The following SV2C variants were observed in gnomAD, a reference collection of about 807,000 sequenced individuals.
SV2C encodes the protein synaptic vesicle glycoprotein 2C.
Under a neutral mutation model 79.7 loss-of-function variants are expected in SV2C, and 49 were observed. That is an observed-to-expected ratio of 0.61 (90% CI 0.49 to 0.78). The LOEUF is 0.78. Ranked by LOEUF, SV2C falls within the 30% of genes least tolerant of loss-of-function variation. The pLI, the probability that SV2C is intolerant of heterozygous loss-of-function variation, is 0.00. For missense variants in SV2C, 833 were observed against 912.9 expected (o/e 0.91, Z 1.13); for synonymous variants, 334 against 333.2 (o/e 1.00, Z -0.03).
chr5:76,321,302 A>AG (rs1479811875), intron 12 of SV2C, among the ~76,000 whole-genome samples: 1 of 148,598 alleles, frequency 6.7e-6, no homozygotes. Flanking sequence ...CTTAGGGGGA[A>AG]AAAAAAAACA....
the SV2C span, among the ~76,000 whole-genome samples, chr5:75,893,339 T>C: frequency 1.3e-5 from 2 of 151,980 alleles, no homozygotes; most frequent in Non-Finnish European, 2.9e-5. Context: ...TGTACCATCA[T>C]GAGGTCTGTA....
At chr5:76,315,790 G>C (rs1006447656) in intron 12 of SV2C, among the ~76,000 whole-genome samples, 1 of 152,144 alleles carries the variant, frequency 6.6e-6, no homozygotes. Context: ...TAAGCAGGAA[G>C]GGAGAAGAAA....
At chr5:76,050,797 A>C in the SV2C span, among the ~76,000 whole-genome samples, 1 of 152,208 alleles carries the variant, frequency 6.6e-6, no homozygotes, top group Non-Finnish European at 1.5e-5. Flanking sequence ...TGTACCAAGA[A>C]ACAGAGTAAA....
the SV2C span, among the ~76,000 whole-genome samples, chr5:76,004,994 A>T: frequency 6.6e-6 from 1 of 152,180 alleles, no homozygotes; most frequent in Non-Finnish European, 1.5e-5. Flanking sequence ...CTCATGATAT[A>T]TCAACCAAGT....
At chr5:76,320,188 T>A (rs1263484681) in intron 12 of SV2C, among the ~76,000 whole-genome samples, 1 of 150,230 alleles carries the variant, frequency 6.7e-6, no homozygotes, top group Non-Finnish European at 1.5e-5. Context: ...AAGAAGTCAG[T>A]CTTTAAAAAG....
chr5:76,265,200 G>A (rs1161592279), intron 4 of SV2C, among the ~76,000 whole-genome samples: 1 of 152,202 alleles, frequency 6.6e-6, no homozygotes, highest in African/African-American at 2.4e-5. Context: ...ACTTTGCCAT[G>A]CTGTGTTGAG....
intron 5 of SV2C, 163 bp downstream of exon 5, chr5:76,285,458 A>G: frequency 9.7e-7 from 1 of 1,026,750 alleles, no homozygotes; most frequent in East Asian, 2.6e-5. Context: ...TCAACAACCA[A>G]CATGTAAAAA....
At chr5:75,893,912 C>A in the SV2C span, among the ~76,000 whole-genome samples, 4 of 152,030 alleles carry the variant, frequency 2.6e-5, no homozygotes, top group Non-Finnish European at 5.9e-5. Flanking sequence ...GGATTTTGAT[C>A]TGCGAATGAC....
In SV2C at chr5:76,092,316, G is replaced by A. The variant is rs577170668; in HGVS notation, c.-102+8804G>A. Reference sequence around the variant, plus strand: ...AATTTCAATATACACCTGCAATGCTGTTTTTCAAGCATGTGTAAGTATTAG... The same window carrying A: ...AATTTCAATATACACCTGCAATGCTATTTTTCAAGCATGTGTAAGTATTAG... On this transcript the variant is annotated intron_variant, in intron 1 of 12. Transcript: ENST00000502798. Among the ~76,000 whole-genome samples, 3 of 152,302 alleles carry A rather than the reference G, an allele frequency of 2.0e-5. No homozygotes were observed. In the East Asian group the frequency reaches 5.8e-4, roughly 29 times the overall value.
At chr5:76,303,248 T>TC (rs1748071095) in intron 12 of SV2C, among the ~76,000 whole-genome samples, 1 of 152,236 alleles carries the variant, frequency 6.6e-6, no homozygotes, top group South Asian at 2.1e-4. Flanking sequence ...CAAATGTTAA[T>TC]TCTCTGTCTT....
intron 12 of SV2C, among the ~76,000 whole-genome samples, chr5:76,307,391 G>A (rs2913266): frequency 0.098 from 14,975 of 152,100 alleles, 780 homozygotes; most frequent in Admixed American, 0.14. Context: ...TTCTGTAAAG[G>A]GCTAAAACAG....
the SV2C span, among the ~76,000 whole-genome samples, chr5:75,901,256 G>T: frequency 6.6e-6 from 1 of 152,148 alleles, no homozygotes; most frequent in African/African-American, 2.4e-5. Context: ...TGTACAGATG[G>T]GTTTTTGGTG....
intron 12 of SV2C, among the ~76,000 whole-genome samples, chr5:76,344,961 C>T (rs1749511555): frequency 6.6e-6 from 1 of 152,136 alleles, no homozygotes; most frequent in African/African-American, 2.4e-5. Flanking sequence ...ACAATTCAAC[C>T]CTAAGTTGTT....
chr5:75,852,626 C>T, the SV2C span, among the ~76,000 whole-genome samples: 1 of 152,012 alleles, frequency 6.6e-6, no homozygotes, highest in African/African-American at 2.4e-5. Context: ...AATATTTCGT[C>T]TATAGATCTT....
intron 4 of SV2C, among the ~76,000 whole-genome samples, chr5:76,255,226 T>C (rs1307094099): frequency 1.3e-5 from 2 of 152,232 alleles, no homozygotes; most frequent in East Asian, 3.8e-4. Context: ...GCCAGGGATT[T>C]TTAAAACCAT....
At chr5:75,854,128 T>C in the SV2C span, among the ~76,000 whole-genome samples, 1 of 152,150 alleles carries the variant, frequency 6.6e-6, no homozygotes, top group Non-Finnish European at 1.5e-5. Flanking sequence ...AAGAATGGTG[T>C]ATTTACTCTT....
intron 3 of SV2C, among the ~76,000 whole-genome samples, chr5:76,202,546 T>A (rs1320411874): frequency 1.3e-5 from 2 of 152,228 alleles, no homozygotes; most frequent in South Asian, 2.1e-4. Context: ...ATACATGATA[T>A]GTGCTCATAC....
At position 76,301,484 on chromosome 5, in the gene SV2C, A is replaced by G. The variant is rs1186881624; in HGVS notation, c.1939A>G (p.Thr647Ala). ...CATGCTGTGTCTGTACAATGGATTGACCATCTCAGCCTGGAACTCTCTTGA... is the reference window on the plus strand; with the variant it reads ...CATGCTGTGTCTGTACAATGGATTGGCCATCTCAGCCTGGAACTCTCTTGA... ...IGMLCLYNGL[T>A]ISAWNSLDVV... Residue 647 changes from threonine (T) to alanine (A), a missense_variant, in exon 12 of 13, where the codon ACC becomes GCC. By Grantham distance (58) the Thr-to-Ala change is moderately conservative. Coordinates refer to ENST00000502798, the MANE Select transcript of SV2C (RefSeq NM_014979.4). The G allele has an allele frequency of 6.2e-7, 1 of 1,614,072 alleles. No individual in the cohort carries two copies. The highest frequency in any genetic ancestry group is 8.5e-7 in the Non-Finnish European group (1 of 1,179,986).
chr5:75,847,526 A>G, the SV2C span, among the ~76,000 whole-genome samples: 3 of 152,212 alleles, frequency 2.0e-5, no homozygotes, highest in African/African-American at 7.2e-5. Flanking sequence ...TGGAATATCT[A>G]CTGTTGGTGT....
Sources: allele counts gnomAD v4.1 joint callset (sites outside exome capture counted in the v4.1 genomes callset), GRCh38; gene constraint gnomAD v4.1.1; transcripts MANE v1.5; gene names NCBI Gene and HGNC (gene_info 2026-07-23, HGNC 2026-07-21).